SLC16A2: variants seen among roughly 807,000 people sequenced by gnomAD.
SLC16A2 encodes the protein solute carrier family 16 member 2.
A neutral mutation model predicts 27.2 loss-of-function variants in SLC16A2; 3 were observed. The ratio of observed to expected loss-of-function variants is 0.11; its 90% CI spans 0.05 to 0.28. The LOEUF is 0.28. Among genes scored for constraint, SLC16A2 ranks in the 10% least tolerant of loss-of-function variants. The pLI is 1.00. For synonymous variants in SLC16A2, 202 were observed against 187.8 expected (o/e 1.08, Z -0.62); for missense variants, 295 against 458.5 (o/e 0.64, Z 3.26).
intron 1 of SLC16A2, among the ~76,000 whole-genome samples, chrX:74,456,133 A>G (rs751241624): frequency 2.0e-4 from 22 of 112,264 alleles, no homozygotes; most frequent in Non-Finnish European, 3.2e-4. Flanking sequence ...GGGAGAGACA[A>G]GAAGTAGATA....
intron 1 of SLC16A2, among the ~76,000 whole-genome samples, chrX:74,498,153 A>G (rs908898548): frequency 3.6e-5 from 4 of 111,613 alleles, no homozygotes; most frequent in Admixed American, 9.5e-5. Context: ...AAAACTAATG[A>G]AAGGCCACAA....
intron 1 of SLC16A2, among the ~76,000 whole-genome samples, chrX:74,492,521 G>T (rs1218159774): frequency 9.0e-6 from 1 of 110,541 alleles, no homozygotes; most frequent in East Asian, 2.9e-4. Flanking sequence ...GTTTGGAGAA[G>T]GAACTCTGCC....
At chrX:74,508,408 CAT>C (rs1250612481) in intron 1 of SLC16A2, among the ~76,000 whole-genome samples, 13 of 111,991 alleles carry the variant, frequency 1.2e-4, no homozygotes, top group African/African-American at 4.2e-4. Context: ...AGAGGTCTGA[CAT>C]GTTTTAAATC....
At chrX:74,513,596 CTTGA>C (rs903446817) in intron 1 of SLC16A2, among the ~76,000 whole-genome samples, 14 of 111,568 alleles carry the variant, frequency 1.3e-4, no homozygotes, top group African/African-American at 3.3e-4. Flanking sequence ...ACAGTCATTG[CTTGA>C]TTATTTTTCT....
At chrX:74,530,443 C>T (rs945770487) in intron 5 of SLC16A2, among the ~76,000 whole-genome samples, 33 of 112,066 alleles carry the variant, frequency 2.9e-4, no homozygotes, top group African/African-American at 8.8e-4. Flanking sequence ...CATTGATTCA[C>T]GCATTAGCTT....
intron 1 of SLC16A2, among the ~76,000 whole-genome samples, chrX:74,518,383 C>T (rs1331198734): frequency 3.6e-5 from 4 of 111,362 alleles, no homozygotes; most frequent in South Asian, 3.8e-4. Context: ...CATTTGAGGC[C>T]GGGAGTTTGA....
At chrX:74,468,588 A>G (rs1235861250) in intron 1 of SLC16A2, among the ~76,000 whole-genome samples, 1 of 108,374 alleles carries the variant, frequency 9.2e-6, no homozygotes, top group African/African-American at 3.3e-5. Flanking sequence ...AGTCCAGTAC[A>G]AGTTTTTAAA....
chrX:74,533,237 C>T lies in SLC16A2; in HGVS notation c.*1684C>T, dbSNP rs987103479. 2 of 112,035 alleles carry T rather than the reference C, an allele frequency of 1.8e-5. No individual in the cohort carries two copies. Among genetic ancestry groups the T allele is most frequent in the South Asian group, 3.7e-4 (1 of 2,687 alleles). 9.2% of individuals were successfully genotyped at this position (112,035 alleles called of 1,213,427 possible). A position where few individuals can be genotyped will look rare whatever the true frequency, so the allele number is the denominator to read the frequency against. On this transcript the variant is annotated 3_prime_UTR_variant, in exon 6 of 6. Transcript: ENST00000587091. ...ACAATAGTTCCCACTCATGATTTTCCGTTACAAACAGGCAGCTGGGGCATG... is the reference window on the plus strand; with the variant it reads ...ACAATAGTTCCCACTCATGATTTTCTGTTACAAACAGGCAGCTGGGGCATG...
intron 1 of SLC16A2, among the ~76,000 whole-genome samples, chrX:74,514,847 A>G (rs1465927573): frequency 8.9e-6 from 1 of 112,265 alleles, no homozygotes; most frequent in Non-Finnish European, 1.9e-5. Context: ...TAGAGTGTCA[A>G]TAGAAGCTAA....
chrX:74,531,695 C>A lies in SLC16A2; in HGVS notation c.*142C>A. 1.9e-6 allele frequency: 1 copy of A among 530,276 alleles called. No homozygotes were observed. 43.7% of individuals were successfully genotyped at this position (530,276 alleles called of 1,213,427 possible). A position where few individuals can be genotyped will look rare whatever the true frequency, so the allele number is the denominator to read the frequency against. ...AGCCACCTGACAATCTCCTTGGAGT[C>A]AAAGCTCCAGGTGTTCCAAACTCAT... On this transcript the variant is annotated 3_prime_UTR_variant, in exon 6 of 6. Transcript: ENST00000587091.
At chrX:74,505,044 CT>C (rs1930101039) in intron 1 of SLC16A2, among the ~76,000 whole-genome samples, 1 of 111,831 alleles carries the variant, frequency 8.9e-6, no homozygotes, top group Non-Finnish European at 1.9e-5. Context: ...ACACCTTGTT[CT>C]TAAATCCATG....
intron 2 of SLC16A2, among the ~76,000 whole-genome samples, chrX:74,522,894 C>T (rs1930429727): frequency 8.9e-6 from 1 of 111,961 alleles, no homozygotes; most frequent in South Asian, 3.7e-4. Context: ...TTCCTGTTGT[C>T]TCAATCAGGG....
At chrX:74,524,863 A>C in intron 3 of SLC16A2, 54 bp downstream of exon 3, 95 of 995,324 alleles carry the variant, frequency 9.5e-5, no homozygotes, top group Non-Finnish European at 1.3e-4. Context: ...GCTACCCTCA[A>C]CCTGCCTAGA....
Position 74,531,655 on chromosome X carries a change from C to G in SLC16A2, c.*102C>G. The G allele has an allele frequency of 1.6e-6, 1 of 621,125 alleles. No individual in the cohort carries two copies. The highest frequency in any genetic ancestry group is 2.7e-6 in the Non-Finnish European group (1 of 367,320). 51.2% of individuals were successfully genotyped at this position (621,125 alleles called of 1,213,427 possible). A position where few individuals can be genotyped will look rare whatever the true frequency, so the allele number is the denominator to read the frequency against. The stretch of plus-strand genomic sequence containing the variant: ...ACCAGCACACTTGTTCCCAGACCTG[C>G]GCACACAGCATTTCAGCCACCTGAC... On this transcript the variant is annotated 3_prime_UTR_variant, in exon 6 of 6. Transcript: ENST00000587091.
chrX:74,426,416 G>A (rs189523469), intron 1 of SLC16A2, among the ~76,000 whole-genome samples: 1 of 112,239 alleles, frequency 8.9e-6, no homozygotes, highest in African/African-American at 3.2e-5. Flanking sequence ...GGCCAACCAG[G>A]AGGATGCTTG....
rs778073319 is a variant in SLC16A2 at position 74,504,736 on chromosome X, G to C, written c.431-16254G>C. Among the ~76,000 whole-genome samples, 26 of 112,562 alleles carry C rather than the reference G, an allele frequency of 2.3e-4. 1 individual carries two copies. In the South Asian group the frequency reaches 9.5e-3, roughly 41 times the overall value. On this transcript the variant is annotated intron_variant, in intron 1 of 5. Transcript: ENST00000587091. ...TGTAGAGCAATGGCTCACGCCTGCAGTCCCAGCATTTTGGGAGGCCAAGGT... is the reference window on the plus strand; with the variant it reads ...TGTAGAGCAATGGCTCACGCCTGCACTCCCAGCATTTTGGGAGGCCAAGGT...
At chrX:74,514,232 A>G (rs1483271778) in intron 1 of SLC16A2, among the ~76,000 whole-genome samples, 1 of 108,628 alleles carries the variant, frequency 9.2e-6, no homozygotes, top group Non-Finnish European at 1.9e-5. Flanking sequence ...TGAAGAAGCC[A>G]GCAACCAAGA....
intron 1 of SLC16A2, among the ~76,000 whole-genome samples, chrX:74,429,150 G>A (rs1282401132): frequency 9.1e-6 from 1 of 110,375 alleles, no homozygotes; most frequent in Non-Finnish European, 1.9e-5. Flanking sequence ...CACTGCACCT[G>A]TCTCAAAAAC....
chrX:74,423,339 A>G (rs1304650261), intron 1 of SLC16A2, among the ~76,000 whole-genome samples: 1 of 111,636 alleles, frequency 9.0e-6, no homozygotes, highest in African/African-American at 3.3e-5. Context: ...TCCAACCCCC[A>G]CATATTTCTA....
Sources: gnomAD v4.1 joint callset for allele counts (sites outside exome capture counted in the v4.1 genomes callset) on GRCh38, gnomAD v4.1.1 for gene constraint, MANE v1.5 for transcripts, NCBI Gene and HGNC (gene_info 2026-07-23, HGNC 2026-07-21) for gene names.